The following UBE2E3 variants were observed in gnomAD, a reference collection of about 807,000 sequenced individuals.
UBE2E3 encodes ubiquitin-conjugating enzyme E2 E3.
In UBE2E3, 5 loss-of-function variants were observed where a neutral mutation model predicts 23.6. That is an observed-to-expected ratio of 0.21 (90% confidence interval 0.11 to 0.44). The LOEUF (loss-of-function observed/expected upper bound fraction) is 0.44. Ranked by LOEUF, UBE2E3 falls within the 20% of genes least tolerant of loss-of-function variation. The probability of loss-of-function intolerance (pLI) is 0.99; values close to 1 mark genes in which losing one functional copy is unlikely to be tolerated. For synonymous variants in UBE2E3, 78 were observed against 87.5 expected (o/e 0.89, Z 0.60); for missense variants, 81 against 249.8 (o/e 0.32, Z 4.55).
chr2:181,060,918 A>G (rs1687135140), intron 5 of UBE2E3, 106 bp downstream of exon 5: 1 of 1,091,144 alleles, frequency 9.2e-7, no homozygotes, highest in Admixed American at 3.8e-5. Context: ...TTGAGAGGTA[A>G]ATGTTATTCA....
chr2:181,022,731 A>AC (rs1685748440), intron 3 of UBE2E3, among the ~76,000 whole-genome samples: 1 of 151,664 alleles, frequency 6.6e-6, no homozygotes, highest in Non-Finnish European at 1.5e-5. Flanking sequence ...GCAAAAAAAA[A>AC]CAAAAAACAA....
intron 3 of UBE2E3, among the ~76,000 whole-genome samples, chr2:180,995,717 G>C (rs939826608): frequency 6.6e-6 from 1 of 150,918 alleles, no homozygotes; most frequent in African/African-American, 2.4e-5. Flanking sequence ...TAGATCAAGA[G>C]GCTTGATCAA....
intron 3 of UBE2E3, among the ~76,000 whole-genome samples, chr2:181,048,775 T>C (rs1686744902): frequency 6.6e-6 from 1 of 152,082 alleles, no homozygotes; most frequent in Non-Finnish European, 1.5e-5. Context: ...ATAAACAGTT[T>C]TTGAAGTTTG....
chr2:180,992,569 G>C (rs750493208), intron 3 of UBE2E3, among the ~76,000 whole-genome samples: 1 of 152,164 alleles, frequency 6.6e-6, no homozygotes, highest in Non-Finnish European at 1.5e-5. Context: ...GTATCTTGTA[G>C]CTCTGACATT....
chr2:181,025,085 C>T lies in UBE2E3; in HGVS notation c.246-32608C>T, dbSNP rs577785033. Among the ~76,000 whole-genome samples, 609 of 151,866 alleles carry T rather than the reference C, an allele frequency of 4.0e-3. 5 individuals carry two copies. The highest frequency in any genetic ancestry group is 5.8e-3 in the Non-Finnish European group (392 of 67,828). ...AGCCACATGGAGATACGTTCTGGGA[C>T]GAAAGTTGGAAGTATTCTCAAGAAG... On this transcript the variant is annotated intron_variant, in intron 3 of 5. Transcript: ENST00000410062.
At chr2:181,013,145 T>A (rs1401957797) in intron 3 of UBE2E3, among the ~76,000 whole-genome samples, 1 of 152,130 alleles carries the variant, frequency 6.6e-6, no homozygotes, top group Non-Finnish European at 1.5e-5. Context: ...TTTTTTAAAT[T>A]GCAAATATGT....
chr2:181,019,908 A>G (rs1685620528), intron 3 of UBE2E3, among the ~76,000 whole-genome samples: 1 of 152,054 alleles, frequency 6.6e-6, no homozygotes, highest in South Asian at 2.1e-4. Flanking sequence ...CAATATTGTT[A>G]ACTGTAGACA....
intron 3 of UBE2E3, among the ~76,000 whole-genome samples, chr2:181,032,702 A>G (rs1157377790): frequency 1.3e-5 from 2 of 152,188 alleles, no homozygotes; most frequent in Admixed American, 1.3e-4. Flanking sequence ...CAAAAATGTA[A>G]TTATTAAATA....
At position 181,025,217 on chromosome 2, in the gene UBE2E3, T is replaced by C. The variant is rs530076292; in HGVS notation, c.246-32476T>C. ...GAAACCAGACTACTTTGCACAATTA[T>C]ACTTGAATTCCTAATCATATCCACT... On this transcript the variant is annotated intron_variant, in intron 3 of 5. Coordinates refer to ENST00000410062, the MANE Select transcript of UBE2E3 (RefSeq NM_006357.4). 3.3e-5 allele frequency among the ~76,000 whole-genome samples: 5 copies of C among 152,142 alleles called. No individual in the cohort carries two copies. In the South Asian group the frequency reaches 1.0e-3, roughly 31 times the overall value.
chr2:180,983,558 T>C (rs1684366283), intron 2 of UBE2E3, among the ~76,000 whole-genome samples: 1 of 152,220 alleles, frequency 6.6e-6, no homozygotes, highest in Non-Finnish European at 1.5e-5. Context: ...AGTAAAGATA[T>C]TTGTAAATTT....
intron 3 of UBE2E3, among the ~76,000 whole-genome samples, chr2:181,012,187 C>T (rs181933069): frequency 2.6e-5 from 4 of 152,226 alleles, no homozygotes; most frequent in South Asian, 4.1e-4. Context: ...TCCTTTCTTG[C>T]GTCAACACTT....
intron 3 of UBE2E3, among the ~76,000 whole-genome samples, chr2:181,005,441 T>C (rs529480455): frequency 2.1e-4 from 32 of 152,318 alleles, no homozygotes; most frequent in Non-Finnish European, 2.5e-4. Context: ...ATTAATTCCA[T>C]TGGAAGCATG....
Position 181,033,725 on chromosome 2 carries a change from C to T in UBE2E3, c.246-23968C>T, listed in dbSNP as rs1241272833. 3.9e-5 allele frequency among the ~76,000 whole-genome samples: 6 copies of T among 152,082 alleles called. No individual in the cohort carries two copies. The East Asian group carries it at 1.2e-3, about 29-fold the overall frequency. ...AGCTTCTGCACAGCAAAAGAAACTA[C>T]CATCAGAGTGAACAGGCAACCTACA... On this transcript the variant is annotated intron_variant, in intron 3 of 5. Coordinates refer to ENST00000410062, the MANE Select transcript of UBE2E3 (RefSeq NM_006357.4).
intron 3 of UBE2E3, among the ~76,000 whole-genome samples, chr2:181,047,461 A>G (rs1686704140): frequency 6.6e-6 from 1 of 152,068 alleles, no homozygotes; most frequent in Non-Finnish European, 1.5e-5. Context: ...GATATCTCAT[A>G]AACTTCTTAG....
chr2:181,027,424 T>C (rs1685931151), intron 3 of UBE2E3, among the ~76,000 whole-genome samples: 1 of 151,950 alleles, frequency 6.6e-6, no homozygotes, highest in Non-Finnish European at 1.5e-5. Flanking sequence ...AAATGCTAAA[T>C]AAATTTGAAA....
At chr2:180,992,693 A>G (rs142487120) in intron 3 of UBE2E3, among the ~76,000 whole-genome samples, 10 of 151,754 alleles carry the variant, frequency 6.6e-5, no homozygotes, top group Non-Finnish European at 1.3e-4. Context: ...ACAGAGTCTC[A>G]CTCTGTTACC....
chr2:181,032,642 A>C (rs534954691), intron 3 of UBE2E3, among the ~76,000 whole-genome samples: 1 of 152,288 alleles, frequency 6.6e-6, no homozygotes, highest in African/African-American at 2.4e-5. Flanking sequence ...AGAAAAATTT[A>C]CCATCTCTTT....
intron 3 of UBE2E3, among the ~76,000 whole-genome samples, chr2:181,034,189 A>G (rs1686184740): frequency 6.6e-6 from 1 of 152,234 alleles, no homozygotes; most frequent in Admixed American, 6.5e-5. Flanking sequence ...ATATACCCAA[A>G]GGATTATAAA....
At chr2:181,003,652 A>G (rs1206358673) in intron 3 of UBE2E3, among the ~76,000 whole-genome samples, 3 of 152,176 alleles carry the variant, frequency 2.0e-5, no homozygotes, top group Non-Finnish European at 4.4e-5. Flanking sequence ...ATAAAACAAA[A>G]TTTATTTGTT....
Sources: allele counts gnomAD v4.1 joint callset (sites outside exome capture counted in the v4.1 genomes callset), GRCh38; gene constraint gnomAD v4.1.1; transcripts MANE v1.5; gene names NCBI Gene and HGNC (gene_info 2026-07-23, HGNC 2026-07-21).